Variants in DPEP1 observed in about 807,000 individuals in gnomAD.
DPEP1 encodes the protein beta-lactamase.
In DPEP1, 50 loss-of-function variants were observed where a neutral mutation model predicts 42.3. The observed-to-expected ratio is 1.18, with a 90% CI of 0.94 to 1.50. The LOEUF (loss-of-function observed/expected upper bound fraction) is 1.50. Among genes scored for constraint, DPEP1 ranks in the 40% most tolerant of loss-of-function variants. The pLI is 0.00. For missense variants in DPEP1, 663 were observed against 553.0 expected, an observed-to-expected ratio of 1.20 and a Z score of -1.99; for synonymous variants, 297 against 234.0, an observed-to-expected ratio of 1.27 and a Z score of -2.46.
intron 1 of DPEP1, among the ~76,000 whole-genome samples, chr16:89,629,115 CTG>C (rs1392547872): frequency 6.6e-6 from 1 of 152,190 alleles, no homozygotes; most frequent in Non-Finnish European, 1.5e-5. Flanking sequence ...GCGTGAATGA[CTG>C]TGCCCAGCTA....
At position 89,626,678 on chromosome 16, in the gene DPEP1, T is replaced by G. The variant is rs1050439710; in HGVS notation, c.-106-3627T>G. 2.0e-5 allele frequency among the ~76,000 whole-genome samples: 3 copies of G among 152,110 alleles called. No homozygotes were observed. In the East Asian group the frequency reaches 5.8e-4, roughly 29 times the overall value. On this transcript the variant is annotated intron_variant, in intron 1 of 10. Transcript: ENST00000690203. The stretch of plus-strand genomic sequence containing the variant: ...CTAAGATCTGGTTTTTAAAAGTGTT[T>G]GGCAGTCCCCCCCTCAAACTCTCTC...
rs1288814841 is a variant in DPEP1, at chr16:89,636,623, G to A, written c.461G>A (p.Arg154Gln). Residue 154 changes from arginine (R) to glutamine (Q), a missense_variant, in exon 5 of 11, where the codon CGG (arginine) becomes CAG (glutamine). Coordinates refer to ENST00000690203, the MANE Select transcript of DPEP1 (RefSeq NM_001389466.1). ...HSIDSSLGVL[R>Q]ALYQLGMRYL... The stretch of plus-strand genomic sequence containing the variant: ...ATTGACAGCAGTTTGGGCGTCCTGC[G>A]GGCACTCTATCAGCTGGGCATGCGG... 8.1e-6 allele frequency: 13 copies of A among 1,612,580 alleles called. No homozygotes were observed. Among genetic ancestry groups the A allele is most frequent in the Non-Finnish European group, 1.0e-5 (12 of 1,179,956 alleles).
chr16:89,617,133 G>A (rs138041016), intron 1 of DPEP1, among the ~76,000 whole-genome samples: 2 of 152,156 alleles, frequency 1.3e-5, no homozygotes, highest in Non-Finnish European at 2.9e-5. Flanking sequence ...CTTGGCCAGG[G>A]TTGGGGACAA....
chr16:89,626,471 C>T (rs1217423411), intron 1 of DPEP1: 1 of 152,226 alleles, frequency 6.6e-6, no homozygotes, highest in African/African-American at 2.4e-5. Flanking sequence ...CTGCCTCAGC[C>T]TCCCGAGTAG....
At chr16:89,631,626 C>T (rs28635707) in intron 2 of DPEP1, among the ~76,000 whole-genome samples, 4 of 152,148 alleles carry the variant, frequency 2.6e-5, no homozygotes, top group African/African-American at 4.8e-5. Flanking sequence ...GAGGCCGAGG[C>T]GGGCGGATCA....
chr16:89,637,598 C>T (rs1567993751), intron 8 of DPEP1, 34 bp from the exon 9 acceptor site: 2 of 1,612,830 alleles, frequency 1.2e-6, no homozygotes, highest in Non-Finnish European at 1.7e-6. Flanking sequence ...GGGAGGGCCT[C>T]ACTCGGGACC....
intron 2 of DPEP1, among the ~76,000 whole-genome samples, chr16:89,631,718 A>G (rs1350884064): frequency 6.6e-6 from 1 of 152,130 alleles, no homozygotes; most frequent in Non-Finnish European, 1.5e-5. Flanking sequence ...TTAGCCAGGC[A>G]TGGTGGCGCA....
intron 1 of DPEP1, among the ~76,000 whole-genome samples, chr16:89,619,968 G>A (rs1379417065): frequency 2.8e-5 from 4 of 142,978 alleles, no homozygotes; most frequent in African/African-American, 1.1e-4. Context: ...CCTGCCTTGG[G>A]TGGGGTCCGG....
intron 1 of DPEP1, among the ~76,000 whole-genome samples, chr16:89,614,527 G>A (rs1201228779): frequency 6.6e-6 from 1 of 152,246 alleles, no homozygotes; most frequent in East Asian, 1.9e-4. Flanking sequence ...GGGCGCGGTG[G>A]CTCACGCCTG....
intron 1 of DPEP1, among the ~76,000 whole-genome samples, chr16:89,629,479 G>A (rs542995502): frequency 1.1e-4 from 16 of 151,778 alleles, no homozygotes; most frequent in Admixed American, 9.2e-4. Context: ...TCCAGCTGGG[G>A]CGATCCTCCT....
At chr16:89,636,417 C>T in intron 4 of DPEP1, 21 bp downstream of exon 4, 1 of 1,605,558 alleles carries the variant, frequency 6.2e-7, no homozygotes, top group Non-Finnish European at 8.5e-7. Flanking sequence ...GACCTGGGTC[C>T]TCCAGGTCCT....
intron 3 of DPEP1, 73 bp from the exon 4 acceptor site, chr16:89,636,191 G>A: frequency 6.4e-7 from 1 of 1,560,138 alleles, no homozygotes; most frequent in Middle Eastern, 1.8e-4. Flanking sequence ...TGGGAAACCA[G>A]ACTCCCACAG....
At chr16:89,637,131 C>A in intron 6 of DPEP1, 73 bp from the exon 7 acceptor site, 1 of 1,558,914 alleles carries the variant, frequency 6.4e-7, no homozygotes, top group Non-Finnish European at 8.7e-7. Flanking sequence ...TGACTCACAT[C>A]TGGTCCAGCC....
chr16:89,630,161 G>A (rs887176904), intron 1 of DPEP1, 144 bp from the exon 2 acceptor site: 6 of 340,530 alleles, frequency 1.8e-5, no homozygotes, highest in African/African-American at 8.8e-5. Flanking sequence ...AGACAGCAAC[G>A]CCCAGTCATT....
chr16:89,635,779 C>A, intron 2 of DPEP1, 129 bp from the exon 3 acceptor site: 2 of 1,325,944 alleles, frequency 1.5e-6, no homozygotes, highest in Non-Finnish European at 2.0e-6. Context: ...CCCCCGCGGC[C>A]TAGACTTCAG....
chr16:89,641,239 G>A (rs2059740755), downstream of DPEP1, among the ~76,000 whole-genome samples: 2 of 151,830 alleles, frequency 1.3e-5, no homozygotes, highest in Admixed American at 1.3e-4. Flanking sequence ...GTTGACTGAT[G>A]TCAGATCTTC....
chr16:89,640,708 A>AG (rs750766046), downstream of DPEP1: 22 of 883,530 alleles, frequency 2.5e-5, no homozygotes, highest in Non-Finnish European at 3.0e-5. Context: ...GTGGGCTGCA[A>AG]GGGTATTAGG....
At chr16:89,631,461 C>T (rs942929111) in intron 2 of DPEP1, among the ~76,000 whole-genome samples, 2 of 152,208 alleles carry the variant, frequency 1.3e-5, no homozygotes, top group Admixed American at 1.3e-4. Context: ...AGAGTCCGCC[C>T]TGTGTCTGGC....
At chr16:89,631,792 G>A (rs2059592540) in intron 2 of DPEP1, among the ~76,000 whole-genome samples, 1 of 152,152 alleles carries the variant, frequency 6.6e-6, no homozygotes, top group African/African-American at 2.4e-5. Context: ...GGGAGGCGGA[G>A]GCTAGAGTGA....
Sources: gnomAD v4.1 joint callset for allele counts (sites outside exome capture counted in the v4.1 genomes callset) on GRCh38, gnomAD v4.1.1 for gene constraint, MANE v1.5 for transcripts, NCBI Gene and HGNC (gene_info 2026-07-23, HGNC 2026-07-21) for gene names.